Variants in STARD9 observed in about 807,000 individuals in gnomAD.
The protein encoded by STARD9 is stAR-related lipid transfer protein 9.
Under a neutral mutation model 399.8 loss-of-function variants are expected in STARD9, and 346 were observed. That is an observed-to-expected ratio of 0.87 (90% CI 0.79 to 0.95). The LOEUF is 0.95. STARD9 is among the 40% of genes least tolerant of loss of function. The pLI, the probability that STARD9 is intolerant of heterozygous loss-of-function variation, is 0.00. For synonymous variants in STARD9, 2,203 were observed against 2,143.5 expected (o/e 1.03, Z -0.77); for missense variants, 5,832 against 5,667.5 (o/e 1.03, Z -0.93).
intron 3 of STARD9, among the ~76,000 whole-genome samples, chr15:42,595,026 G>T (rs529629900): frequency 1.3e-5 from 2 of 152,168 alleles, no homozygotes; most frequent in Admixed American, 6.5e-5. Flanking sequence ...CAGAAAGTAC[G>T]CAGGATGAGC....
chr15:42,657,356 G>A (rs564811237), intron 9 of STARD9, among the ~76,000 whole-genome samples: 3 of 120,594 alleles, frequency 2.5e-5, no homozygotes, highest in Admixed American at 7.6e-5. Context: ...GTGAGATTCC[G>A]TCTCAAAAAA....
At chr15:42,714,859 T>C (rs2061322317) in intron 26 of STARD9, among the ~76,000 whole-genome samples, 1 of 152,218 alleles carries the variant, frequency 6.6e-6, no homozygotes, top group South Asian at 2.1e-4. Context: ...TCTTTTTTTT[T>C]TTCAGATGGC....
intron 3 of STARD9, among the ~76,000 whole-genome samples, chr15:42,626,362 C>CCTCTTCTTCCTCTTT (rs1566884825): frequency 1.3e-5 from 2 of 150,652 alleles, no homozygotes; most frequent in African/African-American, 4.9e-5. Context: ...TCTTCCTCTT[C>CCTCTTCTTCCTCTTT]CTCTTCTTCC....
rs1159859731 is a variant in STARD9, at chr15:42,695,745, A to G, written c.13149A>G (p.Glu4383=). The G allele has an allele frequency of 6.5e-7, 1 of 1,536,860 alleles. No individual in the cohort carries two copies. The highest frequency in any genetic ancestry group is 8.7e-7 in the Non-Finnish European group (1 of 1,146,662). ...HQKIISQLLK[E]EDKLHTLANS... ...TAATGGTGATTTGTCCTTCCCAGGAAGAGGATAAACTACATACCTTGGCCA... is the reference window on the plus strand; with the variant it reads ...TAATGGTGATTTGTCCTTCCCAGGAGGAGGATAAACTACATACCTTGGCCA... The change falls in exon 26 of 33, where the codon GAA becomes GAG. Residue 4383 remains glutamate, a splice_region_variant and synonymous_variant. Coordinates refer to ENST00000290607, the MANE Select transcript of STARD9 (RefSeq NM_020759.3).
intron 3 of STARD9, among the ~76,000 whole-genome samples, chr15:42,589,514 A>G (rs1288540700): frequency 6.6e-6 from 1 of 151,884 alleles, no homozygotes; most frequent in Non-Finnish European, 1.5e-5. Flanking sequence ...CTACAGTTTT[A>G]TCAGTTCCAG....
rs2060547537 is a variant in STARD9 at position 42,686,040 on chromosome 15, C to G, written c.4462C>G (p.Gln1488Glu). 1 of 1,537,334 alleles carries G rather than the reference C, an allele frequency of 6.5e-7. No individual in the cohort carries two copies. The highest frequency in any genetic ancestry group is 8.7e-7 in the Non-Finnish European group (1 of 1,146,916). ...CCATGAAAGGGATTGGTCTGCCCTT[C>G]AGCAGAAGTACCTCCTTGAACTCTC... is the stretch of plus-strand genomic sequence containing the variant. ...STHERDWSAL[Q>E]QKYLLELSCP... Residue 1488 changes from glutamine (Q) to glutamate (E), a missense_variant, in exon 23 of 33, where the codon CAG (glutamine) becomes GAG (glutamate). Around this residue, in one of 2 missense-constraint regions of STARD9, gnomAD observed 5,828 missense variants for 5,651.1 expected, o/e 1.03. Transcript: ENST00000290607.
Position 42,718,060 on chromosome 15 carries a change from T to C in STARD9, c.13643T>C (p.Val4548Ala). The change falls in exon 30 of 33, where the codon GTG (valine) becomes GCG (alanine). Residue 4548 changes from valine (V) to alanine (A), a missense_variant. Physicochemically the swap from Val to Ala is moderately conservative, Grantham distance 64. This residue lies in a region of STARD9 where 5,828 missense variants were observed against 5,651.1 expected (regional missense o/e 1.03). Transcript: ENST00000290607. Reference sequence around the variant, plus strand: ...CATGGCTTCCTGGGGGCAGGTGTGGTGTCCCAGCCGCTGTCTCGTGTGTGG... The same window carrying C: ...CATGGCTTCCTGGGGGCAGGTGTGGCGTCCCAGCCGCTGTCTCGTGTGTGG... ...TRHGFLGAGVVSQPLSRVWAA... is the reference protein window; with the variant it reads ...TRHGFLGAGVASQPLSRVWAA... 1.3e-6 allele frequency: 2 copies of C among 1,537,230 alleles called. No homozygotes were observed. The highest frequency in any genetic ancestry group is 1.7e-6 in the Non-Finnish European group (2 of 1,146,892).
chr15:42,606,120 A>T (rs2058717430), intron 3 of STARD9, among the ~76,000 whole-genome samples: 1 of 152,224 alleles, frequency 6.6e-6, no homozygotes, highest in Admixed American at 6.5e-5. Flanking sequence ...GAGAACCTAC[A>T]GTCTTCCAGG....
Position 42,689,206 on chromosome 15 carries a change from AC to A in STARD9, c.7630del (p.His2544MetfsTer39), listed in dbSNP as rs1430982215. On this transcript the variant is annotated frameshift_variant, in exon 23 of 33. Coordinates refer to ENST00000290607, the MANE Select transcript of STARD9 (RefSeq NM_020759.3). LOFTEE classifies it high-confidence loss of function. ...SPEPRLLEPS[D>X]HASMCLAILE... is the part of the protein sequence containing the mutation. ...GAGCCTAGGCTGTTGGAGCCCTCTG[AC>A]CATGCATCCATGTGCCTGGCCATCT... 1 of 1,537,234 alleles carries A rather than the reference AC, an allele frequency of 6.5e-7. No homozygotes were observed. Among genetic ancestry groups the A allele is most frequent in the Non-Finnish European group, 8.7e-7 (1 of 1,146,912 alleles).
chr15:42,628,579 C>G (rs2059270551), intron 3 of STARD9, among the ~76,000 whole-genome samples: 1 of 152,152 alleles, frequency 6.6e-6, no homozygotes, highest in South Asian at 2.1e-4. Flanking sequence ...GATTTAAGTC[C>G]TTAATCCATT....
chr15:42,575,992 T>A (rs1221485480), intron 1 of STARD9, among the ~76,000 whole-genome samples: 3 of 152,076 alleles, frequency 2.0e-5, no homozygotes, highest in Non-Finnish European at 1.5e-5. Context: ...CTGCCCTGGG[T>A]GAGCGTCGCT....
At chr15:42,716,621 G>A in intron 26 of STARD9, 56 bp from the exon 27 acceptor site, 2 of 1,097,364 alleles carry the variant, frequency 1.8e-6, no homozygotes, top group Non-Finnish European at 2.7e-6. Flanking sequence ...CAGAGGCAGA[G>A]GAGATAATTC....
chr15:42,691,880 A>T lies in STARD9; in HGVS notation c.10302A>T (p.Gln3434His). The T allele has an allele frequency of 6.5e-7, 1 of 1,537,270 alleles. No homozygotes were observed. The highest frequency in any genetic ancestry group is 1.2e-5 in the South Asian group (1 of 84,054). Residue 3434 changes from glutamine (Q) to histidine (H), a missense_variant, in exon 23 of 33, where the codon CAA becomes CAT. This residue lies in a region of STARD9 where 5,828 missense variants were observed against 5,651.1 expected (regional missense o/e 1.03). Transcript: ENST00000290607. ...SWMSGTLEQA[Q>H]QGKREKLGVQ... ...TGTCTGGTACTTTGGAACAAGCCCA[A>T]CAGGGAAAGCGAGAGAAACTGGGTG...
At chr15:42,620,620 T>C (rs1439478283) in intron 3 of STARD9, among the ~76,000 whole-genome samples, 1 of 152,206 alleles carries the variant, frequency 6.6e-6, no homozygotes, top group African/African-American at 2.4e-5. Context: ...CATTTAGTTA[T>C]CTTAACTCTA....
chr15:42,659,068 G>A (rs902498621), intron 9 of STARD9, among the ~76,000 whole-genome samples: 11 of 152,098 alleles, frequency 7.2e-5, no homozygotes, highest in African/African-American at 2.2e-4. Context: ...AGCCAAGATC[G>A]TGCCACTGCA....
Position 42,694,232 on chromosome 15 carries a change from C to G in STARD9, c.12654C>G (p.His4218Gln). ...LSVELTEAKL[H>Q]HGFGEADALL... ...TGGAACTCACAGAAGCGAAACTGCA[C>G]CATGGCTTTGGGGAGGCCGATGCCC... Residue 4218 changes from histidine (H) to glutamine (Q), a missense_variant, in exon 23 of 33, where the codon CAC (histidine) becomes CAG (glutamine). Transcript: ENST00000290607. The G allele has an allele frequency of 6.5e-7, 1 of 1,534,886 alleles. No individual in the cohort carries two copies. The highest frequency in any genetic ancestry group is 8.7e-7 in the Non-Finnish European group (1 of 1,145,790).
In STARD9 at chr15:42,691,418, AC is replaced by A; in HGVS notation, c.9842del (p.Pro3281ArgfsTer28). The A allele has an allele frequency of 6.5e-7, 1 of 1,537,178 alleles. No individual in the cohort carries two copies. The highest frequency in any genetic ancestry group is 8.7e-7 in the Non-Finnish European group (1 of 1,146,894). ...ATVSLRQNETPQPAAQRSGHL... is the reference protein window; with the variant it reads ...ATVSLRQNETXQPAAQRSGHL... Reference sequence around the variant, plus strand: ...CTGTGTCCTTGAGGCAAAATGAAACACCGCAGCCTGCTGCTCAGAGGAGTGG... The same window carrying A: ...CTGTGTCCTTGAGGCAAAATGAAACACGCAGCCTGCTGCTCAGAGGAGTGG... On this transcript the variant is annotated frameshift_variant, in exon 23 of 33. Coordinates refer to ENST00000290607, the MANE Select transcript of STARD9 (RefSeq NM_020759.3). LOFTEE classifies it high-confidence loss of function.
intron 26 of STARD9, among the ~76,000 whole-genome samples, chr15:42,713,199 T>G (rs2061283021): frequency 6.6e-6 from 1 of 152,250 alleles, no homozygotes; most frequent in Non-Finnish European, 1.5e-5. Context: ...GTTGACAGTA[T>G]TATAAATGGA....
At chr15:42,618,203 G>A (rs1204428988) in intron 3 of STARD9, among the ~76,000 whole-genome samples, 1 of 152,080 alleles carries the variant, frequency 6.6e-6, no homozygotes, top group Non-Finnish European at 1.5e-5. Context: ...TGTGATCATA[G>A]CTCACTGCAT....
Sources: gnomAD v4.1 joint callset for allele counts (sites outside exome capture counted in the v4.1 genomes callset) on GRCh38, gnomAD v4.1.1 for gene constraint, gnomAD v4.1.1 regional missense constraint, MANE v1.5 for transcripts, NCBI Gene and HGNC (gene_info 2026-07-23, HGNC 2026-07-21) for gene names.